PDCL: variants seen among roughly 807,000 people sequenced by gnomAD.
PDCL encodes the protein phosducin-like protein.
PDCL carries 11 observed loss-of-function variants against 26.7 expected under a neutral mutation model. The ratio of observed to expected loss-of-function variants is 0.41; its 90% CI spans 0.26 to 0.68. The LOEUF (loss-of-function observed/expected upper bound fraction) is 0.68, where lower values mean the gene tolerates loss of function less well. Ranked by LOEUF, PDCL falls within the 30% of genes least tolerant of loss-of-function variation. PDCL has a pLI of 0.30. For missense variants in PDCL, 330 were observed against 371.6 expected (o/e 0.89, Z 0.92); for synonymous variants, 118 against 134.9 (o/e 0.87, Z 0.87).
At position 122,819,495 on chromosome 9, in the gene PDCL, C is replaced by T. The variant is rs1420146599; in HGVS notation, c.*590G>A. 6.6e-6 allele frequency: 1 copy of T among 152,124 alleles called. No homozygotes were observed. Among genetic ancestry groups the T allele is most frequent in the African/African-American group, 2.4e-5 (1 of 41,390 alleles). 9.4% of individuals were successfully genotyped at this position (152,124 alleles called of 1,614,324 possible). A position where few individuals can be genotyped will look rare whatever the true frequency, so the allele number is the denominator to read the frequency against. ...CATCACCAGGTCAGTAAGCATCAACCCTTCCTGCTGTTCCAGACTTAGTCA... is the reference window on the plus strand; with the variant it reads ...CATCACCAGGTCAGTAAGCATCAACTCTTCCTGCTGTTCCAGACTTAGTCA... On this transcript the variant is annotated 3_prime_UTR_variant, in exon 4 of 4. Coordinates refer to ENST00000259467, the MANE Select transcript of PDCL (RefSeq NM_005388.5).
Position 122,820,573 on chromosome 9 carries a change from A to G in PDCL, c.418T>C (p.Tyr140His), listed in dbSNP as rs1829540579. Reference protein sequence around the residue: ...DQDDEEFLQQYRKQRMEEMRQ... With the variant: ...DQDDEEFLQQHRKQRMEEMRQ... ...ATCTCTTCCATTCGCTGCTTCCGGT[A>G]CTGCTGCAGAAACTCTTCATCATCT... The change falls in exon 4 of 4, where the codon TAC (tyrosine) becomes CAC (histidine). Residue 140 changes from tyrosine to histidine, a missense_variant. Coordinates refer to ENST00000259467, the MANE Select transcript of PDCL (RefSeq NM_005388.5). The G allele has an allele frequency of 1.2e-6, 2 of 1,613,986 alleles. No homozygotes were observed. The highest frequency in any genetic ancestry group is 2.2e-5 in the East Asian group (1 of 44,878).
chr9:122,826,872 T>C (rs1829635871), intron 1 of PDCL, 80 bp from the exon 2 acceptor site: 2 of 1,305,024 alleles, frequency 1.5e-6, no homozygotes, highest in Non-Finnish European at 2.2e-6. Context: ...GGCTCGCCTG[T>C]GCTGAGATCC....
At chr9:122,822,842 A>G (rs1440402560) in intron 3 of PDCL, among the ~76,000 whole-genome samples, 174 bp downstream of exon 3, 3 of 152,226 alleles carry the variant, frequency 2.0e-5, no homozygotes, top group Non-Finnish European at 4.4e-5. Flanking sequence ...AGTCACTAGT[A>G]GCAGAACTGA....
chr9:122,821,322 C>A (rs550692335), intron 3 of PDCL, among the ~76,000 whole-genome samples: 1 of 151,572 alleles, frequency 6.6e-6, no homozygotes, highest in East Asian at 1.9e-4. Context: ...TCAGTCTTGA[C>A]AATATTTTAT....
chr9:122,828,274 T>G (rs1324963235), intron 1 of PDCL, among the ~76,000 whole-genome samples, 197 bp downstream of exon 1: 2 of 144,822 alleles, frequency 1.4e-5, no homozygotes, highest in Admixed American at 6.9e-5. Context: ...AGCAGAGGGG[T>G]GTGTGGAGCT....
At chr9:122,825,290 T>C (rs371108124) in intron 2 of PDCL, among the ~76,000 whole-genome samples, 2 of 151,760 alleles carry the variant, frequency 1.3e-5, no homozygotes. Context: ...GCCTCCCGAG[T>C]AGTTGGGCCT....
At chr9:122,827,958 C>T (rs1222789292) in intron 1 of PDCL, among the ~76,000 whole-genome samples, 1 of 152,122 alleles carries the variant, frequency 6.6e-6, no homozygotes, top group African/African-American at 2.4e-5. Context: ...CTAGTCACTA[C>T]CTCTATCCCC....
intron 1 of PDCL, among the ~76,000 whole-genome samples, chr9:122,827,311 C>T (rs1829640492): frequency 6.6e-6 from 1 of 152,220 alleles, no homozygotes; most frequent in African/African-American, 2.4e-5. Flanking sequence ...TGTCACCAGC[C>T]TTCAACTTCC....
Position 122,823,661 on chromosome 9 carries a change from T to C in PDCL, c.173-464A>G, listed in dbSNP as rs573070841. Among the ~76,000 whole-genome samples the C allele has an allele frequency of 4.6e-4, 70 of 152,350 alleles. 1 individual carries two copies. The South Asian group carries it at 8.7e-3, about 19-fold the overall frequency. The stretch of plus-strand genomic sequence containing the variant: ...ACTTGTGTGTTTATAGAATAAGAGC[T>C]TGCAGGATATGTAAGCTGTTAACAG... On this transcript the variant is annotated intron_variant, in intron 2 of 3. Transcript: ENST00000259467.
intron 1 of PDCL, among the ~76,000 whole-genome samples, chr9:122,827,587 C>A (rs528988435): frequency 6.6e-6 from 1 of 152,046 alleles, no homozygotes; most frequent in African/African-American, 2.4e-5. Context: ...CAAAAATTAG[C>A]CAGGTGTGGT....
intron 1 of PDCL, among the ~76,000 whole-genome samples, chr9:122,827,346 T>C (rs962161824): frequency 6.6e-6 from 1 of 152,198 alleles, no homozygotes; most frequent in Non-Finnish European, 1.5e-5. Flanking sequence ...AGGGCTTGGA[T>C]GGATGGTCTC....
rs1325913263 is a variant in PDCL, at chr9:122,819,858, T to C, written c.*227A>G. 7.1e-6 allele frequency: 3 copies of C among 419,626 alleles called. No homozygotes were observed. Among genetic ancestry groups the C allele is most frequent in the African/African-American group, 2.1e-5 (1 of 48,376 alleles). The allele number at this position is 419,626 out of a possible 1,614,324, so 26.0% of individuals were successfully genotyped here. On this transcript the variant is annotated 3_prime_UTR_variant, in exon 4 of 4. Transcript: ENST00000259467. ...AGATGTCACACCACAGAATCTTAAG[T>C]AAACAGTTCAAAAGCCTGGCTTCCT... is the stretch of plus-strand genomic sequence containing the variant.
intron 3 of PDCL, among the ~76,000 whole-genome samples, chr9:122,821,325 T>TA (rs928240794): frequency 1.8e-4 from 28 of 151,638 alleles, no homozygotes; most frequent in African/African-American, 6.8e-4. Context: ...GTCTTGACAA[T>TA]ATTTTATCTA....
rs930217644 is a variant in PDCL at position 122,818,516 on chromosome 9, C to T, written c.*1569G>A. 1 of 151,604 alleles carries T rather than the reference C, an allele frequency of 6.6e-6. No homozygotes were observed. The highest frequency in any genetic ancestry group is 1.5e-5 in the Non-Finnish European group (1 of 67,946). 9.4% of individuals were successfully genotyped at this position (151,604 alleles called of 1,614,324 possible). A position where few individuals can be genotyped will look rare whatever the true frequency, so the allele number is the denominator to read the frequency against. On this transcript the variant is annotated 3_prime_UTR_variant, in exon 4 of 4. Transcript: ENST00000259467. ...AAGCTAGACTAACAATACTTCCCTG[C>T]TTCTAATAATTTTCAATACATTCCA...
At position 122,820,170 on chromosome 9, in the gene PDCL, A is replaced by T; in HGVS notation, c.821T>A (p.Leu274His). The T allele has an allele frequency of 6.2e-7, 1 of 1,614,182 alleles. No homozygotes were observed. The highest frequency in any genetic ancestry group is 8.5e-7 in the Non-Finnish European group (1 of 1,180,012). ...CAGCACCAAGACTTCCTTTTCTGGG[A>T]GTAATCCAAATTCCTGGAGAAAAGC... ...LEAFLQEFGLLPEKEVLVLTS... is the reference protein window; with the variant it reads ...LEAFLQEFGLHPEKEVLVLTS... Residue 274 changes from leucine (L) to histidine (H), a missense_variant, in exon 4 of 4, where the codon CTC (leucine) becomes CAC (histidine). Leu to His is a moderately conservative substitution (Grantham distance 99). Coordinates refer to ENST00000259467, the MANE Select transcript of PDCL (RefSeq NM_005388.5).
In PDCL at chr9:122,820,712, G is replaced by C. The variant is rs1027706794; in HGVS notation, c.355-76C>G. ...ATAACAGTTAATATGGGCCGGGCGC[G>C]GTGGCTCACGCCTGTAATCCTAGCA... On this transcript the variant is annotated intron_variant, in intron 3 of 3. Transcript: ENST00000259467. The C allele has an allele frequency of 2.2e-5, 28 of 1,248,212 alleles. No homozygotes were observed. The African/African-American group carries it at 3.0e-4, about 13-fold the overall frequency. 77.3% of individuals were successfully genotyped at this position (1,248,212 alleles called of 1,614,324 possible).
chr9:122,820,256 G>A lies in PDCL; in HGVS notation c.735C>T (p.Ile245=), dbSNP rs762626871. The A allele has an allele frequency of 2.8e-5, 45 of 1,613,972 alleles. No homozygotes were observed. Among genetic ancestry groups the A allele is most frequent in the South Asian group, 8.8e-5 (8 of 91,072 alleles). ...ALLIYKGGEL[I]GNFVRVTDQL... ...GGTCAGTAACACGAACAAAATTGCC[G>A]ATCAATTCACCCCCCTTATAGATCA... Residue 245 remains isoleucine (I), a synonymous_variant, in exon 4 of 4, where the codon ATC becomes ATT. Transcript: ENST00000259467.
chr9:122,824,972 A>T (rs1156696799), intron 2 of PDCL, among the ~76,000 whole-genome samples: 1 of 152,214 alleles, frequency 6.6e-6, no homozygotes, highest in Non-Finnish European at 1.5e-5. Flanking sequence ...AATTCAGTAC[A>T]TAATAAAAGT....
chr9:122,825,254 G>A (rs781767532), intron 2 of PDCL, among the ~76,000 whole-genome samples: 2 of 151,556 alleles, frequency 1.3e-5, no homozygotes, highest in African/African-American at 2.4e-5. Flanking sequence ...CTCTGCCTCC[G>A]GGGTTCAAGC....
Sources: gnomAD v4.1 joint callset for allele counts (sites outside exome capture counted in the v4.1 genomes callset) on GRCh38, gnomAD v4.1.1 for gene constraint, MANE v1.5 for transcripts, NCBI Gene and HGNC (gene_info 2026-07-23, HGNC 2026-07-21) for gene names.